The following TUT4 variants were observed in gnomAD, a reference collection of about 807,000 sequenced individuals.
TUT4 encodes terminal uridylyltransferase 4.
In TUT4, 36 loss-of-function variants were observed where a neutral mutation model predicts 192.2. The ratio of observed to expected loss-of-function variants is 0.19; its 90% CI spans 0.14 to 0.25. The LOEUF is 0.25. Ranked by LOEUF, TUT4 falls within the 10% of genes least tolerant of loss-of-function variation. TUT4 has a pLI of 1.00. For synonymous variants in TUT4, 618 were observed against 666.0 expected (o/e 0.93, Z 1.11); for missense variants, 1,493 against 1,957.2 (o/e 0.76, Z 4.47).
chr1:52,425,271 A>C, intron 29 of TUT4, 78 bp downstream of exon 29: 1 of 1,495,958 alleles, frequency 6.7e-7, no homozygotes, highest in East Asian at 2.3e-5. Context: ...TCACTCCCAG[A>C]TCCTGGCCTT....
chr1:52,540,689 GGACTGGTATAT>G (rs1686371857), intron 1 of TUT4, among the ~76,000 whole-genome samples: 1 of 151,998 alleles, frequency 6.6e-6, no homozygotes. Flanking sequence ...AACACAAATG[GGACTGGTATAT>G]GACTACAAGA....
chr1:52,440,433 G>GTTTTTTT (rs908687717), intron 24 of TUT4, among the ~76,000 whole-genome samples: 1 of 110,186 alleles, frequency 9.1e-6, no homozygotes, highest in Non-Finnish European at 1.9e-5. Flanking sequence ...CCCATCCTGT[G>GTTTTTTT]TTTTTTTTTT....
chr1:52,434,332 C>T lies in TUT4; in HGVS notation c.4263+1033G>A, dbSNP rs778091752. 13 of 152,236 alleles carry T rather than the reference C, an allele frequency of 8.5e-5. No individual in the cohort carries two copies. The South Asian group carries it at 1.0e-3, about 12-fold the overall frequency. The allele number at this position is 152,236 out of a possible 1,614,324, so 9.4% of individuals were successfully genotyped here. A position where few individuals can be genotyped will look rare whatever the true frequency, so the allele number is the denominator to read the frequency against. ...GAAAGACTTCGGTTTGATTTTTATA[C>T]TCTCTTATTCTCAGTTTCCCAATTT... is the stretch of plus-strand genomic sequence containing the variant. On this transcript the variant is annotated intron_variant, in intron 27 of 29. Transcript: ENST00000257177.
At chr1:52,527,833 T>C (rs890109499) in intron 1 of TUT4, among the ~76,000 whole-genome samples, 3 of 152,098 alleles carry the variant, frequency 2.0e-5, no homozygotes, top group African/African-American at 4.8e-5. Flanking sequence ...AGGGTATATA[T>C]GGCAACTTTG....
chr1:52,443,975 T>A (rs892274663), intron 24 of TUT4, among the ~76,000 whole-genome samples: 1 of 152,176 alleles, frequency 6.6e-6, no homozygotes, highest in African/African-American at 2.4e-5. Flanking sequence ...CGGTGGCTCA[T>A]GCCTGCAATC....
intron 1 of TUT4, among the ~76,000 whole-genome samples, chr1:52,541,494 T>C (rs1205324544): frequency 6.6e-6 from 1 of 151,516 alleles, no homozygotes; most frequent in Non-Finnish European, 1.5e-5. Flanking sequence ...ATCGCGCCAT[T>C]GCGCTCCAGC....
At chr1:52,445,755 A>T (rs1194824046) in intron 24 of TUT4, 32 bp downstream of exon 24, 3 of 1,496,896 alleles carry the variant, frequency 2.0e-6, no homozygotes, top group Non-Finnish European at 2.7e-6. Flanking sequence ...TAAAAAAAGA[A>T]AAGATTCACA....
chr1:52,430,900 G>C (rs1414286336), intron 28 of TUT4, 113 bp downstream of exon 28: 27 of 1,198,148 alleles, frequency 2.3e-5, no homozygotes, highest in Non-Finnish European at 3.1e-5. Context: ...ATCTAATCCT[G>C]TACTGTCCCC....
In TUT4 at chr1:52,436,808, C is replaced by A; in HGVS notation, c.4109G>T (p.Arg1370Leu). 1 of 1,613,870 alleles carries A rather than the reference C, an allele frequency of 6.2e-7. No individual in the cohort carries two copies. Among genetic ancestry groups the A allele is most frequent in the Non-Finnish European group, 8.5e-7 (1 of 1,180,006 alleles). The change falls in exon 26 of 30, where the codon CGA becomes CTA. Residue 1370 changes from arginine (R) to leucine (L), a missense_variant. Arg to Leu is a moderately radical substitution (Grantham distance 102). Around this residue, in one of 7 missense-constraint regions of TUT4, gnomAD observed 351 missense variants for 397.8 expected, o/e 0.88. Coordinates refer to ENST00000257177, the MANE Select transcript of TUT4 (RefSeq NM_001009881.3). ...CAGCTTGACCTCTGGGCACTCCCTT[C>A]GTACATGTCCAGCATCTCCACATAT... ...CFICGDAGHV[R>L]RECPEVKLAR...
Position 52,468,243 on chromosome 1 carries a change from T to G in TUT4, c.2903A>C (p.Glu968Ala), listed in dbSNP as rs1664768670. Residue 968 changes from glutamate to alanine, a missense_variant, in exon 15 of 30, where the codon GAA (glutamate) becomes GCA (alanine). Coordinates refer to ENST00000257177, the MANE Select transcript of TUT4 (RefSeq NM_001009881.3). ...TAAAATTTGCTCCCTGTTGTGTTGT[T>G]CAGAACAAGGTGGTGATAACTCATC... ...CFDELSPPCS[E>A]QHNREQILIG... The G allele has an allele frequency of 1.2e-6, 2 of 1,607,606 alleles. No individual in the cohort carries two copies. The highest frequency in any genetic ancestry group is 2.2e-5 in the South Asian group (2 of 89,438).
intron 20 of TUT4, among the ~76,000 whole-genome samples, chr1:52,450,969 A>G (rs1217795828): frequency 6.6e-6 from 1 of 152,202 alleles, no homozygotes; most frequent in Non-Finnish European, 1.5e-5. Context: ...AACGATTATA[A>G]TAATACAGAG....
Position 52,509,705 on chromosome 1 carries a change from G to A in TUT4, c.890C>T (p.Pro297Leu), listed in dbSNP as rs1335306664. The A allele has an allele frequency of 3.1e-6, 5 of 1,600,206 alleles. No homozygotes were observed. Among genetic ancestry groups the A allele is most frequent in the Non-Finnish European group, 4.3e-6 (5 of 1,168,594 alleles). ...DHIFRLEKRS[P>L]EYTNCRYLCK... ...TAGATACCGACAATTGGTATATTCT[G>A]GTGATCGCTGAAGAGACAAATTTTA... The change falls in exon 4 of 30, where the codon CCA becomes CTA. Residue 297 changes from proline to leucine, a missense_variant. This residue lies in a region of TUT4 where 437 missense variants were observed against 577.6 expected (regional missense o/e 0.76). Coordinates refer to ENST00000257177, the MANE Select transcript of TUT4 (RefSeq NM_001009881.3).
At position 52,493,605 on chromosome 1, in the gene TUT4, A is replaced by G; in HGVS notation, c.1318+6T>C. The stretch of plus-strand genomic sequence containing the variant: ...AAAAAAGAAAAGAAAAAGAAAAGAA[A>G]CTCACCATTTTTCTTTAAAATCCCA... On this transcript the variant is annotated splice_donor_region_variant and intron_variant, in intron 7 of 29. Coordinates refer to ENST00000257177, the MANE Select transcript of TUT4 (RefSeq NM_001009881.3). 1 of 1,473,754 alleles carries G rather than the reference A, an allele frequency of 6.8e-7. No homozygotes were observed. The highest frequency in any genetic ancestry group is 9.3e-7 in the Non-Finnish European group (1 of 1,080,796). The allele number at this position is 1,473,754 out of a possible 1,614,324, so 91.3% of individuals were successfully genotyped here. A position where few individuals can be genotyped will look rare whatever the true frequency, so the allele number is the denominator to read the frequency against.
chr1:52,472,718 C>T (rs774051626), intron 13 of TUT4, among the ~76,000 whole-genome samples: 9 of 151,958 alleles, frequency 5.9e-5, no homozygotes, highest in Non-Finnish European at 1.2e-4. Flanking sequence ...GAACTCCAAA[C>T]CCTATATAAC....
At chr1:52,441,603 A>C (rs1365802980) in intron 24 of TUT4, among the ~76,000 whole-genome samples, 2 of 151,896 alleles carry the variant, frequency 1.3e-5, no homozygotes, top group Non-Finnish European at 2.9e-5. Context: ...GGCATACTGC[A>C]TTTTGAGTAA....
At chr1:52,533,158 C>A (rs1210440934) in intron 1 of TUT4, among the ~76,000 whole-genome samples, 1 of 152,228 alleles carries the variant, frequency 6.6e-6, no homozygotes, top group Non-Finnish European at 1.5e-5. Flanking sequence ...ATCAATGTAA[C>A]TTAGGCCCCT....
At chr1:52,426,218 TA>T (rs1213068379) in intron 28 of TUT4, among the ~76,000 whole-genome samples, 4 of 151,918 alleles carry the variant, frequency 2.6e-5, no homozygotes, top group Non-Finnish European at 5.9e-5. Context: ...TCTCATTTCC[TA>T]AAACTACTAA....
At chr1:52,544,703 A>C (rs1379941695) in intron 1 of TUT4, among the ~76,000 whole-genome samples, 1 of 152,206 alleles carries the variant, frequency 6.6e-6, no homozygotes, top group African/African-American at 2.4e-5. Context: ...AAAAATGGAC[A>C]AACTAGACTG....
chr1:52,545,939 T>C (rs1687955082), intron 1 of TUT4, among the ~76,000 whole-genome samples: 1 of 135,770 alleles, frequency 7.4e-6, no homozygotes, highest in African/African-American at 2.9e-5. Context: ...CTGGGCAATA[T>C]GGTGAAACTG....
Sources: allele counts gnomAD v4.1 joint callset (sites outside exome capture counted in the v4.1 genomes callset), GRCh38; gene constraint gnomAD v4.1.1; regional missense constraint gnomAD v4.1.1; transcripts MANE v1.5; gene names NCBI Gene and HGNC (gene_info 2026-07-23, HGNC 2026-07-21).